The following SHISA6 variants were observed in gnomAD, a reference collection of about 807,000 sequenced individuals.
The protein encoded by SHISA6 is protein shisa-6.
A neutral mutation model predicts 47.9 loss-of-function variants in SHISA6; 22 were observed. The observed-to-expected ratio is 0.46, with a 90% CI of 0.33 to 0.66. The LOEUF (loss-of-function observed/expected upper bound fraction) is 0.66. SHISA6 is among the 30% of genes least tolerant of loss of function. The probability of loss-of-function intolerance (pLI) is 0.02; values close to 1 mark genes in which losing one functional copy is unlikely to be tolerated. For missense variants in SHISA6, 680 were observed against 764.6 expected (o/e 0.89, Z 1.30); for synonymous variants, 388 against 337.8 (o/e 1.15, Z -1.63).
chr17:11,521,830 A>G (rs1011975117), intron 3 of SHISA6, among the ~76,000 whole-genome samples: 2 of 152,212 alleles, frequency 1.3e-5, no homozygotes, highest in Non-Finnish European at 2.9e-5. Flanking sequence ...TAGCTAGACT[A>G]TATCTCTTAT....
chr17:11,522,737 G>T, intron 3 of SHISA6, among the ~76,000 whole-genome samples: 1 of 152,184 alleles, frequency 6.6e-6, no homozygotes, highest in East Asian at 1.9e-4. Context: ...CACTGTGTTT[G>T]TCCAACATTG....
At position 11,424,789 on chromosome 17, in the gene SHISA6, G is replaced by T. The variant is rs550147054; in HGVS notation, c.895+45280G>T. 6.6e-5 allele frequency among the ~76,000 whole-genome samples: 10 copies of T among 152,090 alleles called. No individual in the cohort carries two copies. In the South Asian group the frequency reaches 2.1e-3, roughly 32 times the overall value. On this transcript the variant is annotated intron_variant, in intron 3 of 5. Coordinates refer to ENST00000441885, the MANE Select transcript of SHISA6 (RefSeq NM_207386.4). ...GAGGCCGAGGCAGGTGGATCACGAG[G>T]TCAGGAGATGGAAACTAGCCTGGCT...
At chr17:11,544,864 G>A (rs982108814) in intron 3 of SHISA6, among the ~76,000 whole-genome samples, 1 of 151,258 alleles carries the variant, frequency 6.6e-6, no homozygotes, top group African/African-American at 2.4e-5. Context: ...GGGAGGCTGA[G>A]GCAGGAGAAT....
intron 3 of SHISA6, among the ~76,000 whole-genome samples, chr17:11,482,793 A>G (rs1433723110): frequency 6.6e-6 from 1 of 152,208 alleles, no homozygotes; most frequent in Non-Finnish European, 1.5e-5. Flanking sequence ...GTAAGATGCA[A>G]TAAGTTTTTC....
chr17:11,295,533 A>G (rs539058572), intron 2 of SHISA6, among the ~76,000 whole-genome samples: 1 of 152,306 alleles, frequency 6.6e-6, no homozygotes, highest in Admixed American at 6.5e-5. Flanking sequence ...AAATGATGGG[A>G]AGGTGATGTT....
chr17:11,503,164 G>A (rs1055318862), intron 3 of SHISA6, among the ~76,000 whole-genome samples: 1 of 152,186 alleles, frequency 6.6e-6, no homozygotes, highest in Non-Finnish European at 1.5e-5. Context: ...GAGGCCCAGA[G>A]AGGTTAAGTG....
At chr17:11,543,950 G>A (rs1405977769) in intron 3 of SHISA6, among the ~76,000 whole-genome samples, 4 of 139,570 alleles carry the variant, frequency 2.9e-5, no homozygotes, top group East Asian at 2.1e-4. Context: ...TTCAATGTAA[G>A]TCTCCTACCT....
intron 3 of SHISA6, among the ~76,000 whole-genome samples, chr17:11,483,976 T>A (rs1312691900): frequency 6.6e-6 from 1 of 151,954 alleles, no homozygotes; most frequent in South Asian, 2.1e-4. Context: ...CAATTCAGAA[T>A]TGAAAGACTA....
chr17:11,545,886 AAAAG>A (rs764477168), intron 3 of SHISA6, among the ~76,000 whole-genome samples: 2 of 152,214 alleles, frequency 1.3e-5, no homozygotes, highest in Non-Finnish European at 2.9e-5. Context: ...TGAGTGTGCC[AAAAG>A]AAAGAGAGCC....
intron 2 of SHISA6, among the ~76,000 whole-genome samples, chr17:11,339,958 A>G (rs996295451): frequency 1.3e-5 from 2 of 152,174 alleles, no homozygotes; most frequent in Non-Finnish European, 2.9e-5. Flanking sequence ...CTAAAGGAGG[A>G]CCCTAGATGA....
intron 1 of SHISA6, among the ~76,000 whole-genome samples, chr17:11,245,442 G>A (rs1907539917): frequency 6.6e-6 from 1 of 152,226 alleles, no homozygotes; most frequent in Non-Finnish European, 1.5e-5. Flanking sequence ...TTCTGGGAGG[G>A]CCGCCAAGGG....
chr17:11,339,211 G>A (rs578202148), intron 2 of SHISA6, among the ~76,000 whole-genome samples: 2 of 150,680 alleles, frequency 1.3e-5, no homozygotes, highest in South Asian at 2.1e-4. Flanking sequence ...ATTGCCCCTG[G>A]CCTGTTATAT....
At chr17:11,372,965 C>G (rs1357562893) in intron 2 of SHISA6, among the ~76,000 whole-genome samples, 1 of 151,846 alleles carries the variant, frequency 6.6e-6, no homozygotes, top group Non-Finnish European at 1.5e-5. Context: ...ACTTTTATTA[C>G]CCTGTTTTTA....
chr17:11,450,995 T>TAAAA (rs757372845), intron 3 of SHISA6, among the ~76,000 whole-genome samples: 1 of 123,058 alleles, frequency 8.1e-6, no homozygotes, highest in African/African-American at 2.9e-5. Flanking sequence ...AATAGAAAAT[T>TAAAA]AAAAAAAAAA....
intron 3 of SHISA6, among the ~76,000 whole-genome samples, chr17:11,470,426 C>T (rs936601295): frequency 1.3e-5 from 2 of 152,182 alleles, no homozygotes; most frequent in Non-Finnish European, 2.9e-5. Context: ...GAGACAAATG[C>T]AGAAAGCTGC....
At chr17:11,343,225 C>T (rs60975378) in intron 2 of SHISA6, among the ~76,000 whole-genome samples, 1 of 152,248 alleles carries the variant, frequency 6.6e-6, no homozygotes, top group African/African-American at 2.4e-5. Flanking sequence ...GAGAGAAGAG[C>T]TGCCAACTCA....
At chr17:11,247,137 G>A (rs533781743) in intron 1 of SHISA6, among the ~76,000 whole-genome samples, 27 of 152,232 alleles carry the variant, frequency 1.8e-4, no homozygotes, top group Non-Finnish European at 3.5e-4. Flanking sequence ...TTTAATGAGA[G>A]ATCGGATTGA....
At chr17:11,249,695 A>G (rs1907731070) in intron 1 of SHISA6, among the ~76,000 whole-genome samples, 1 of 152,220 alleles carries the variant, frequency 6.6e-6, no homozygotes, top group Admixed American at 6.5e-5. Context: ...AGCCCATGGC[A>G]TGTCATTTTG....
intron 2 of SHISA6, among the ~76,000 whole-genome samples, chr17:11,333,834 C>G (rs1911219725): frequency 6.6e-6 from 1 of 152,088 alleles, no homozygotes; most frequent in South Asian, 2.1e-4. Flanking sequence ...CATGAAAACT[C>G]TACAAAAACC....
Sources: allele counts gnomAD v4.1 joint callset (sites outside exome capture counted in the v4.1 genomes callset), GRCh38; gene constraint gnomAD v4.1.1; transcripts MANE v1.5; gene names NCBI Gene and HGNC (gene_info 2026-07-23, HGNC 2026-07-21).